Variants in CERS4 observed in about 807,000 individuals in gnomAD.
The protein encoded by CERS4 is LAG1 homolog, ceramide synthase 4.
CERS4 carries 65 observed loss-of-function variants against 51.8 expected under a neutral mutation model. The observed-to-expected ratio is 1.26, with a 90% CI of 1.03 to 1.54. The LOEUF is 1.54. Ranked by LOEUF, CERS4 falls within the 40% of genes most tolerant of loss-of-function variation. The pLI is 0.00. For synonymous variants in CERS4, 228 were observed against 208.4 expected (o/e 1.09, Z -0.81); for missense variants, 563 against 500.4 (o/e 1.13, Z -1.19).
chr19:8,219,321 C>T (rs1864754140), intron 2 of CERS4, among the ~76,000 whole-genome samples: 1 of 152,132 alleles, frequency 6.6e-6, no homozygotes, highest in African/African-American at 2.4e-5. Context: ...ACCCACTGCC[C>T]CCAGCTCCTC....
chr19:8,254,401 C>A, intron 3 of CERS4, 98 bp from the exon 4 acceptor site: 1 of 1,101,058 alleles, frequency 9.1e-7, no homozygotes, highest in Non-Finnish European at 1.3e-6. Context: ...TTTGCCCCTC[C>A]GAGACTTGGT....
At chr19:8,228,562 C>T (rs1354376478) in intron 2 of CERS4, among the ~76,000 whole-genome samples, 1 of 152,028 alleles carries the variant, frequency 6.6e-6, no homozygotes. Flanking sequence ...GTAATCCCAG[C>T]TACGCAGCAG....
In CERS4 at chr19:8,257,085, C is replaced by G; in HGVS notation, c.741+8C>G. 1 of 1,586,768 alleles carries G rather than the reference C, an allele frequency of 6.3e-7. No individual in the cohort carries two copies. The highest frequency in any genetic ancestry group is 8.6e-7 in the Non-Finnish European group (1 of 1,164,486). ...TCTGACTACCTGCTGGAGGTGGGCC[C>G]GACCCCTGCCTGACCCTTCCCAGCT... is the stretch of plus-strand genomic sequence containing the variant. On this transcript the variant is annotated splice_region_variant and intron_variant, in intron 9 of 11. Transcript: ENST00000251363.
At chr19:8,244,873 G>A (rs1336288035) in intron 2 of CERS4, among the ~76,000 whole-genome samples, 2 of 151,886 alleles carry the variant, frequency 1.3e-5, no homozygotes, top group Admixed American at 6.6e-5. Context: ...GGCCAGGCGC[G>A]GTGGCTCTCA....
At chr19:8,253,235 G>A (rs1016790413) in intron 3 of CERS4, among the ~76,000 whole-genome samples, 1 of 150,154 alleles carries the variant, frequency 6.7e-6, no homozygotes, top group African/African-American at 2.5e-5. Flanking sequence ...ACCCCGGAAT[G>A]GGGGATGCTG....
At chr19:8,250,026 G>A (rs8108804) in intron 2 of CERS4, among the ~76,000 whole-genome samples, 5,422 of 152,094 alleles carry the variant, frequency 0.036, 214 homozygotes, top group East Asian at 0.12. Context: ...CCAGGCTGGA[G>A]TGCAGTGGCA....
chr19:8,228,595 A>C (rs767172407), intron 2 of CERS4, among the ~76,000 whole-genome samples: 5 of 152,032 alleles, frequency 3.3e-5, no homozygotes, highest in Non-Finnish European at 5.9e-5. Flanking sequence ...GAATTGCTTG[A>C]ACCTGGGAGG....
intron 3 of CERS4, among the ~76,000 whole-genome samples, chr19:8,251,672 C>T (rs1331994189): frequency 6.6e-6 from 1 of 151,574 alleles, no homozygotes; most frequent in East Asian, 2.0e-4. Flanking sequence ...ATTAGCTGGG[C>T]GCAAACCTGT....
chr19:8,257,834 C>A (rs943740237), intron 9 of CERS4, 45 bp from the exon 10 acceptor site: 13 of 1,487,598 alleles, frequency 8.7e-6, no homozygotes, highest in Middle Eastern at 3.4e-4. Flanking sequence ...TCTTTGAGAC[C>A]AGGGCCCTGG....
intron 10 of CERS4, among the ~76,000 whole-genome samples, chr19:8,260,368 T>G (rs1191936665): frequency 1.9e-5 from 1 of 53,340 alleles, no homozygotes; most frequent in Non-Finnish European, 4.5e-5. Context: ...CTAATTTTTG[T>G]ATTTTTTTTT....
rs746036464 is a variant in CERS4 at position 8,255,705 on chromosome 19, CAAG to C, written c.394_396del (p.Lys132del). 3.1e-6 allele frequency: 5 copies of C among 1,601,110 alleles called. No homozygotes were observed. The highest frequency in any genetic ancestry group is 3.4e-6 in the Non-Finnish European group (4 of 1,173,564). On this transcript the variant is annotated inframe_deletion, in exon 5 of 12. Transcript: ENST00000251363. ...GGAACCAGGATCGACCCCAGCTGAC[CAAG>C]AAGTTCTGTGAGGCCAGGTAAGCCC...
chr19:8,256,328 G>T, intron 7 of CERS4, 42 bp downstream of exon 7: 1 of 1,604,644 alleles, frequency 6.2e-7, no homozygotes, highest in Non-Finnish European at 8.5e-7. Context: ...GGGTGAGGGC[G>T]ATGATCACAG....
In CERS4 at chr19:8,254,569, G is replaced by A. The variant is rs114701384; in HGVS notation, c.244G>A (p.Ala82Thr). Residue 82 changes from alanine to threonine, a missense_variant, in exon 4 of 12, where the codon GCC becomes ACC. Ala to Thr is a moderately conservative substitution (Grantham distance 58, BLOSUM62 0). Coordinates refer to ENST00000251363, the MANE Select transcript of CERS4 (RefSeq NM_024552.3). The part of the protein sequence containing the change: ...DQTRRQVKPN[A>T]TLEKHFLTEG... The stretch of plus-strand genomic sequence containing the variant: ...GACCAGGAGGCAAGTGAAGCCCAAC[G>A]CCACGCTGGAGAAACACTTCCTCAC... 490 of 1,613,312 alleles carry A rather than the reference G, an allele frequency of 3.0e-4. 1 individual carries two copies. In the African/African-American group the frequency reaches 5.7e-3, roughly 19 times the overall value.
intron 9 of CERS4, 73 bp from the exon 10 acceptor site, chr19:8,257,806 C>T (rs1483577201): frequency 8.5e-7 from 1 of 1,172,786 alleles, no homozygotes; most frequent in Non-Finnish European, 1.3e-6. Context: ...TCACCTGGTC[C>T]CATCCTATAG....
chr19:8,238,075 G>C (rs935274079), intron 2 of CERS4, among the ~76,000 whole-genome samples: 1 of 151,894 alleles, frequency 6.6e-6, no homozygotes, highest in Non-Finnish European at 1.5e-5. Flanking sequence ...TCCACCTCTG[G>C]GGCTGGGGAC....
chr19:8,258,382 C>T (rs958141400), intron 10 of CERS4, among the ~76,000 whole-genome samples: 1 of 152,252 alleles, frequency 6.6e-6, no homozygotes, highest in East Asian at 1.9e-4. Context: ...GTGAACTGCA[C>T]AGCATGCGAA....
rs536884584 is a variant in CERS4 at position 8,210,555 on chromosome 19, C to T, written c.-158-151C>T. The T allele has an allele frequency of 2.0e-5, 3 of 152,146 alleles. No individual in the cohort carries two copies. Among genetic ancestry groups the T allele is most frequent in the African/African-American group, 7.3e-5 (3 of 41,300 alleles). 9.4% of individuals were successfully genotyped at this position (152,146 alleles called of 1,614,324 possible). On this transcript the variant is annotated intron_variant, in intron 1 of 11. Transcript: ENST00000251363. The surrounding 1 kb of genome is among the most constrained non-coding windows in gnomAD (Gnocchi z 4.2). ...ATGCTCCCATCGACTCCAGTCTGAG[C>T]TCAGGCAAGGTCTCAGGCATCTGAG...
chr19:8,216,205 C>T (rs896284220), intron 2 of CERS4, among the ~76,000 whole-genome samples: 19 of 151,690 alleles, frequency 1.3e-4, no homozygotes, highest in African/African-American at 4.6e-4. Flanking sequence ...AAGGTGAAAC[C>T]CCGTCTCTAC....
intron 2 of CERS4, among the ~76,000 whole-genome samples, chr19:8,239,876 C>T (rs971817700): frequency 6.6e-6 from 1 of 152,176 alleles, no homozygotes; most frequent in African/African-American, 2.4e-5. Flanking sequence ...GTGTCCAGCC[C>T]TGTCTGAGGC....
Sources: gnomAD v4.1 joint callset for allele counts (sites outside exome capture counted in the v4.1 genomes callset) on GRCh38, gnomAD v4.1.1 for gene constraint, Gnocchi (gnomAD v3.1) non-coding constraint, MANE v1.5 for transcripts, NCBI Gene and HGNC (gene_info 2026-07-23, HGNC 2026-07-21) for gene names.